The following PITPNM3 variants were observed in gnomAD, a reference collection of about 807,000 sequenced individuals.
PITPNM3 encodes the protein PITPNM family member 3.
PITPNM3 carries 26 observed loss-of-function variants against 102.0 expected under a neutral mutation model. The observed-to-expected ratio is 0.25, with a 90% confidence interval of 0.19 to 0.35. The LOEUF is 0.35. Ranked by LOEUF, PITPNM3 falls within the 10% of genes least tolerant of loss-of-function variation. The pLI is 1.00. For missense variants in PITPNM3, 1,083 were observed against 1,346.1 expected (o/e 0.80, Z 3.06); for synonymous variants, 578 against 558.6 (o/e 1.03, Z -0.49).
At chr17:6,530,367 G>T (rs1909078508) in intron 2 of PITPNM3, among the ~76,000 whole-genome samples, 1 of 152,182 alleles carries the variant, frequency 6.6e-6, no homozygotes, top group Admixed American at 6.5e-5. Context: ...GGATGATTTA[G>T]CCGTGCACTA....
intron 9 of PITPNM3, 64 bp from the exon 10 acceptor site, chr17:6,474,668 C>T: frequency 6.7e-7 from 1 of 1,500,768 alleles, no homozygotes; most frequent in Non-Finnish European, 9.0e-7. Flanking sequence ...CGGGAGTGTT[C>T]ACACAGCAGC....
chr17:6,506,313 G>C (rs1907503322), intron 3 of PITPNM3, among the ~76,000 whole-genome samples: 2 of 151,356 alleles, frequency 1.3e-5, no homozygotes, highest in African/African-American at 4.8e-5. Context: ...TCTAAAACCT[G>C]TTATGGTGTT....
chr17:6,552,762 C>CTTTTTT (rs34225911), intron 1 of PITPNM3, among the ~76,000 whole-genome samples: 614 of 88,918 alleles, frequency 6.9e-3, no homozygotes, highest in Non-Finnish European at 7.8e-3. Context: ...CTTTCTTTTT[C>CTTTTTT]TTTTTTTTTT....
intron 11 of PITPNM3, 121 bp from the exon 12 acceptor site, chr17:6,471,476 C>A: frequency 2.0e-6 from 2 of 998,686 alleles, no homozygotes; most frequent in South Asian, 3.4e-5. Context: ...CGGCTCTGCT[C>A]ACTTGCCAGC....
intron 4 of PITPNM3, among the ~76,000 whole-genome samples, chr17:6,497,479 G>T (rs1473246682): frequency 1.3e-5 from 2 of 152,226 alleles, no homozygotes; most frequent in African/African-American, 2.4e-5. Context: ...GGGCTCAGTT[G>T]GTGGCTAGGA....
chr17:6,461,060 G>T lies in PITPNM3; in HGVS notation c.2490+313C>A. On this transcript the variant is annotated intron_variant, in intron 18 of 19. Coordinates refer to ENST00000262483, the MANE Select transcript of PITPNM3 (RefSeq NM_031220.4). ...TCTGTGCAGCCCCAACAAGCACAGA[G>T]TAAGGAACACAATCGGCACTTAAAT... 6 of 438,514 alleles carry T rather than the reference G, an allele frequency of 1.4e-5. 1 individual carries two copies. Among genetic ancestry groups the T allele is most frequent in the South Asian group, 1.2e-4 (6 of 48,298 alleles). 27.2% of individuals were successfully genotyped at this position (438,514 alleles called of 1,614,324 possible). A position where few individuals can be genotyped will look rare whatever the true frequency, so the allele number is the denominator to read the frequency against.
intron 4 of PITPNM3, among the ~76,000 whole-genome samples, chr17:6,497,653 G>A (rs928290862): frequency 1.3e-5 from 2 of 152,214 alleles, no homozygotes; most frequent in South Asian, 2.1e-4. Context: ...CTCCCCGCAC[G>A]TGGGACAGCT....
At chr17:6,456,598 A>T (rs994143977) in intron 19 of PITPNM3, among the ~76,000 whole-genome samples, 6 of 152,066 alleles carry the variant, frequency 3.9e-5, no homozygotes, top group Admixed American at 3.9e-4. Flanking sequence ...TGTCAACAAG[A>T]TCTCCAGGTG....
rs1905133681 is a variant in PITPNM3 at position 6,472,953 on chromosome 17, C to A, written c.1259-126G>T. 1.7e-6 allele frequency: 2 copies of A among 1,171,498 alleles called. No individual in the cohort carries two copies. Among genetic ancestry groups the A allele is most frequent in the African/African-American group, 1.5e-5 (1 of 65,418 alleles). 72.6% of individuals were successfully genotyped at this position (1,171,498 alleles called of 1,614,324 possible). A position where few individuals can be genotyped will look rare whatever the true frequency, so the allele number is the denominator to read the frequency against. On this transcript the variant is annotated intron_variant, in intron 10 of 19. Transcript: ENST00000262483. This position sits in a 1 kb window ranked among gnomAD's most constrained non-coding sequence, Gnocchi z 4.1. The stretch of plus-strand genomic sequence containing the variant: ...CTCAAGAGCCTCCCCGGGCTCCCTG[C>A]TCCCCACGGGAACAAAGCCATTACG...
chr17:6,524,076 A>G (rs1390820392), intron 3 of PITPNM3, among the ~76,000 whole-genome samples: 2 of 152,164 alleles, frequency 1.3e-5, no homozygotes, highest in Admixed American at 1.3e-4. Context: ...ATTTCTCAGG[A>G]TGAGTGCTTT....
At chr17:6,503,611 A>ACACTGTTGCCAGG in intron 3 of PITPNM3, 37 bp from the exon 4 acceptor site, 1 of 1,599,100 alleles carries the variant, frequency 6.3e-7, no homozygotes, top group South Asian at 1.1e-5. Context: ...CAGATCCTTG[A>ACACTGTTGCCAGG]CACTGTTGCC....
chr17:6,549,090 C>A (rs1327875906), intron 1 of PITPNM3, among the ~76,000 whole-genome samples: 2 of 152,080 alleles, frequency 1.3e-5, no homozygotes, highest in African/African-American at 4.8e-5. Context: ...TGGTTCACTC[C>A]AAGCTGTCCT....
intron 3 of PITPNM3, 28 bp downstream of exon 3, chr17:6,525,328 C>A: frequency 6.2e-7 from 1 of 1,601,260 alleles, no homozygotes; most frequent in Non-Finnish European, 8.6e-7. Context: ...ATGTGCACAT[C>A]CTGGTCATGA....
At chr17:6,476,979 C>T in intron 9 of PITPNM3, 50 bp downstream of exon 9, 3 of 1,598,194 alleles carry the variant, frequency 1.9e-6, no homozygotes, top group Non-Finnish European at 2.6e-6. Context: ...ACAGCCCTCC[C>T]AGTTGGCTCT....
Position 6,472,679 on chromosome 17 carries a change from G to A in PITPNM3, c.1407C>T (p.Gly469=), listed in dbSNP as rs1163847970. The A allele has an allele frequency of 6.8e-6, 11 of 1,613,364 alleles. No individual in the cohort carries two copies. The highest frequency in any genetic ancestry group is 4.5e-5 in the East Asian group (2 of 44,874). Residue 469 remains glycine (G), a synonymous_variant, in exon 11 of 20, where the codon GGC becomes GGT. Transcript: ENST00000262483. This position sits in a 1 kb window ranked among gnomAD's most constrained non-coding sequence, Gnocchi z 4.1. Reference sequence around the variant, plus strand: ...TACCGAGGAGGAGGGACTGCCCATCGCCCAGTGGGAACCTCTGGTAGCGAG... The same window carrying A: ...TACCGAGGAGGAGGGACTGCCCATCACCCAGTGGGAACCTCTGGTAGCGAG... ...SVPRYQRFPL[G]DGQSLLLADA...
At chr17:6,465,369 G>A (rs557145351) in intron 14 of PITPNM3, among the ~76,000 whole-genome samples, 16 of 152,294 alleles carry the variant, frequency 1.1e-4, no homozygotes, top group Admixed American at 6.5e-4. Context: ...GACTCTGCTC[G>A]GCCCTGAGGG....
At chr17:6,492,205 A>T (rs1233903724) in intron 4 of PITPNM3, among the ~76,000 whole-genome samples, 1 of 62,900 alleles carries the variant, frequency 1.6e-5, no homozygotes, top group Non-Finnish European at 3.2e-5. Flanking sequence ...CTGGGACTAC[A>T]GGCGCCCCCC....
At chr17:6,541,970 C>T (rs1909752078) in intron 1 of PITPNM3, among the ~76,000 whole-genome samples, 1 of 152,202 alleles carries the variant, frequency 6.6e-6, no homozygotes, top group Non-Finnish European at 1.5e-5. Context: ...CATACTGAAT[C>T]CCCACCTTAC....
In PITPNM3 at chr17:6,556,316, G is replaced by A. The variant is rs1910607500; in HGVS notation, c.22+69C>T. 2 of 1,316,708 alleles carry A rather than the reference G, an allele frequency of 1.5e-6. No homozygotes were observed. The highest frequency in any genetic ancestry group is 2.0e-6 in the Non-Finnish European group (2 of 1,001,530). The allele number at this position is 1,316,708 out of a possible 1,614,324, so 81.6% of individuals were successfully genotyped here. A position where few individuals can be genotyped will look rare whatever the true frequency, so the allele number is the denominator to read the frequency against. On this transcript the variant is annotated intron_variant, in intron 1 of 19. Coordinates refer to ENST00000262483, the MANE Select transcript of PITPNM3 (RefSeq NM_031220.4). The surrounding 1 kb of genome is among the most constrained non-coding windows in gnomAD (Gnocchi z 5.2). ...GCGCGAGGGGTTCACCTGGGCCGGC[G>A]GCCCCTCCTCTAGACGCGCGAGTCC...
Sources: gnomAD v4.1 joint callset for allele counts (sites outside exome capture counted in the v4.1 genomes callset) on GRCh38, gnomAD v4.1.1 for gene constraint, Gnocchi (gnomAD v3.1) non-coding constraint, MANE v1.5 for transcripts, NCBI Gene and HGNC (gene_info 2026-07-23, HGNC 2026-07-21) for gene names.